The following AVEN variants were observed in gnomAD, a reference collection of about 807,000 sequenced individuals.
AVEN encodes the protein cell death regulator Aven.
In AVEN, 41 loss-of-function variants were observed where a neutral mutation model predicts 38.1. The ratio of observed to expected loss-of-function variants is 1.08; its 90% confidence interval spans 0.84 to 1.40. The LOEUF (loss-of-function observed/expected upper bound fraction) is 1.40. Ranked by LOEUF, AVEN falls within the 40% of genes most tolerant of loss-of-function variation. The probability of loss-of-function intolerance (pLI) is 0.00; values close to 1 mark genes in which losing one functional copy is unlikely to be tolerated. For missense variants in AVEN, 605 were observed against 438.8 expected (o/e 1.38, Z -3.38); for synonymous variants, 206 against 171.8 (o/e 1.20, Z -1.56).
At chr15:34,011,517 GAATAAAATGAT>G (rs1897637616) in intron 1 of AVEN, among the ~76,000 whole-genome samples, 1 of 152,150 alleles carries the variant, frequency 6.6e-6, no homozygotes, top group African/African-American at 2.4e-5. Context: ...TTAAGAATGG[GAATAAAATGAT>G]CCACATGATA....
intron 4 of AVEN, among the ~76,000 whole-genome samples, chr15:33,870,349 C>T (rs1890889309): frequency 6.6e-6 from 1 of 152,136 alleles, no homozygotes; most frequent in South Asian, 2.1e-4. Context: ...TACTTGGCAG[C>T]CCCATCGTTT....
At chr15:34,057,640 A>C (rs1900205792) in intron 5 of AVEN, among the ~76,000 whole-genome samples, 1 of 152,200 alleles carries the variant, frequency 6.6e-6, no homozygotes, top group Non-Finnish European at 1.5e-5. Context: ...AAAGTCATAC[A>C]GTAAGTTGGA....
At chr15:33,935,594 G>A (rs1400884081) in intron 2 of AVEN, among the ~76,000 whole-genome samples, 1 of 152,058 alleles carries the variant, frequency 6.6e-6, no homozygotes, top group Non-Finnish European at 1.5e-5. Flanking sequence ...GGTTATATAT[G>A]TGTATAGATA....
chr15:34,069,374 C>G (rs1423683863), intron 2 of AVEN, among the ~76,000 whole-genome samples: 1 of 152,074 alleles, frequency 6.6e-6, no homozygotes, highest in East Asian at 1.9e-4. Context: ...ATTGCTTGAA[C>G]CTGGGAGGCG....
chr15:33,853,468 G>C, the AVEN span: 10 of 1,499,104 alleles, frequency 6.7e-6, no homozygotes, highest in Non-Finnish European at 8.1e-6. Context: ...ATTGCCCATA[G>C]GGCAGCAAAG....
intron 1 of AVEN, among the ~76,000 whole-genome samples, chr15:34,035,001 A>G (rs1390927613): frequency 6.6e-6 from 1 of 152,214 alleles, no homozygotes; most frequent in African/African-American, 2.4e-5. Flanking sequence ...ACAATGAAGG[A>G]GCAAGTCCTT....
chr15:34,031,168 A>ATTTTTT (rs34414446), intron 1 of AVEN, among the ~76,000 whole-genome samples: 705 of 67,544 alleles, frequency 0.01, 32 homozygotes, highest in African/African-American at 0.022. Flanking sequence ...GCTTAGGTTA[A>ATTTTTT]TTTTTTTTTT....
intron 1 of AVEN, among the ~76,000 whole-genome samples, chr15:34,015,210 G>T (rs909493119): frequency 6.6e-6 from 1 of 152,128 alleles, no homozygotes; most frequent in Non-Finnish European, 1.5e-5. Flanking sequence ...TAGGCCGGGC[G>T]CAGTGGCTCA....
intron 1 of AVEN, among the ~76,000 whole-genome samples, chr15:34,033,442 A>C (rs1898957080): frequency 6.6e-6 from 1 of 151,392 alleles, no homozygotes; most frequent in African/African-American, 2.4e-5. Context: ...AGAGGCGGAG[A>C]TTGCAGTGAG....
intron 2 of AVEN, among the ~76,000 whole-genome samples, chr15:33,892,853 G>A (rs1892045329): frequency 6.6e-6 from 1 of 152,080 alleles, no homozygotes; most frequent in South Asian, 2.1e-4. Context: ...TCCTACCCGT[G>A]GGCATGGAAC....
At chr15:33,979,210 TC>T (rs1896026864) in intron 2 of AVEN, among the ~76,000 whole-genome samples, 1 of 152,188 alleles carries the variant, frequency 6.6e-6, no homozygotes, top group African/African-American at 2.4e-5. Flanking sequence ...TAAATGGGTA[TC>T]TAGGCTATTA....
At chr15:33,960,434 TTGTG>T (rs1180817784) in intron 2 of AVEN, among the ~76,000 whole-genome samples, 1 of 136,986 alleles carries the variant, frequency 7.3e-6, no homozygotes, top group East Asian at 2.1e-4. Flanking sequence ...TGTGTGTGTG[TTGTG>T]TGTGTGAGAG....
At position 33,871,025 on chromosome 15, in the gene AVEN, T is replaced by A; in HGVS notation, c.522A>T (p.Ser174=). The change falls in exon 4 of 6, where the codon TCA becomes TCT. Residue 174 remains serine (S), a synonymous_variant. Transcript: ENST00000306730. The part of the protein sequence containing the change: ...DSEASCPKQN[S]AFYVDSELLV... ...ATAACTCACTATCCACATAAAATGC[T>A]GAATTCTATATATATATATAAAAGA... The A allele has an allele frequency of 6.3e-7, 1 of 1,582,880 alleles. No individual in the cohort carries two copies. The highest frequency in any genetic ancestry group is 8.6e-7 in the Non-Finnish European group (1 of 1,160,286).
At chr15:34,064,664 C>G (rs1005781896) in intron 4 of AVEN, 2 of 259,470 alleles carry the variant, frequency 7.7e-6, no homozygotes, top group Admixed American at 9.9e-5. Flanking sequence ...CAGCAGAGAC[C>G]AGGTGGAAAC....
Position 33,997,995 on chromosome 15 carries a change from A to G in AVEN, c.445+5037T>C, listed in dbSNP as rs144383416. On this transcript the variant is annotated intron_variant, in intron 2 of 5. Coordinates refer to ENST00000306730, the MANE Select transcript of AVEN (RefSeq NM_020371.3). ...AACTATACTTTCCCACTTCCTTGAC[A>G]ACTATTTCTTACCTTCTGCTCTCTC... is the stretch of plus-strand genomic sequence containing the variant. Among the ~76,000 whole-genome samples the G allele has an allele frequency of 1.6e-4, 24 of 152,208 alleles. No individual in the cohort carries two copies. In the East Asian group the frequency reaches 4.4e-3, roughly 28 times the overall value.
chr15:34,008,652 CTAA>C (rs535317203), intron 1 of AVEN, among the ~76,000 whole-genome samples: 2,397 of 135,316 alleles, frequency 0.018, 61 homozygotes, highest in African/African-American at 0.068. Flanking sequence ...CCATGGCAGG[CTAA>C]TTTTTTGTAT....
At chr15:34,055,679 T>TA (rs1900114813) in intron 5 of AVEN, among the ~76,000 whole-genome samples, 1 of 151,638 alleles carries the variant, frequency 6.6e-6, no homozygotes, top group South Asian at 2.1e-4. Flanking sequence ...CGGGTGCCTG[T>TA]AGCCCCAGCT....
At chr15:33,861,597 G>A (rs1597116562), downstream of AVEN, among the ~76,000 whole-genome samples, 1 of 151,502 alleles carries the variant, frequency 6.6e-6, no homozygotes, top group African/African-American at 2.4e-5. Flanking sequence ...CTCAGTCACT[G>A]TCTTCAATTT....
downstream of AVEN, chr15:33,857,750 C>G (rs199970361): frequency 2.5e-6 from 4 of 1,613,390 alleles, no homozygotes; most frequent in Non-Finnish European, 3.4e-6. Context: ...GACCCCACTC[C>G]TTTTCCTTTC....
Sources: gnomAD v4.1 joint callset for allele counts (sites outside exome capture counted in the v4.1 genomes callset) on GRCh38, gnomAD v4.1.1 for gene constraint, MANE v1.5 for transcripts, NCBI Gene and HGNC (gene_info 2026-07-23, HGNC 2026-07-21) for gene names.